SYNPR: variants seen among roughly 807,000 people sequenced by gnomAD.
SYNPR encodes synaptoporin.
A neutral mutation model predicts 32.9 loss-of-function variants in SYNPR; 23 were observed. The ratio of observed to expected loss-of-function variants is 0.70; its 90% CI spans 0.50 to 0.99. SYNPR has a LOEUF of 0.99. Ranked by LOEUF, SYNPR falls within the 50% of genes least tolerant of loss-of-function variation. The pLI, the probability that SYNPR is intolerant of heterozygous loss-of-function variation, is 0.00. For missense variants in SYNPR, 318 were observed against 349.3 expected, an observed-to-expected ratio of 0.91 and a Z score of 0.71; for synonymous variants, 146 against 135.9, an observed-to-expected ratio of 1.07 and a Z score of -0.52.
At chr3:63,287,435 C>T (rs570847782) in intron 2 of SYNPR, among the ~76,000 whole-genome samples, 16 of 152,088 alleles carry the variant, frequency 1.1e-4, no homozygotes, top group East Asian at 5.8e-4. Flanking sequence ...AGCCTTCTGA[C>T]GGCTCCCAGA....
the SYNPR span, among the ~76,000 whole-genome samples, chr3:63,207,076 A>T: frequency 1.3e-5 from 2 of 152,162 alleles, no homozygotes; most frequent in South Asian, 4.1e-4. Flanking sequence ...TCCTATTGGC[A>T]ATGTGCAGTA....
chr3:63,482,443 G>A (rs759519467), intron 3 of SYNPR, among the ~76,000 whole-genome samples: 1 of 152,116 alleles, frequency 6.6e-6, no homozygotes, highest in Non-Finnish European at 1.5e-5. Flanking sequence ...GAAAGTTGGA[G>A]CAGGAGAAGA....
chr3:63,334,993 G>T (rs930683843), intron 2 of SYNPR, among the ~76,000 whole-genome samples: 6 of 152,098 alleles, frequency 3.9e-5, no homozygotes, highest in African/African-American at 1.4e-4. Context: ...TGTTCTCTGG[G>T]GTACAGAGTC....
At chr3:63,530,449 T>C (rs1479873458) in intron 3 of SYNPR, among the ~76,000 whole-genome samples, 1 of 152,174 alleles carries the variant, frequency 6.6e-6, no homozygotes, top group African/African-American at 2.4e-5. Context: ...TTCTCTTCTG[T>C]ATATTGAGGA....
In SYNPR at chr3:63,248,036, A is replaced by AG. The variant is rs1368072434; in HGVS notation, n.67-4460dup. Among the ~76,000 whole-genome samples the AG allele has an allele frequency of 3.9e-5, 6 of 152,222 alleles. No homozygotes were observed. The East Asian group carries it at 1.2e-3, about 29-fold the overall frequency. On this transcript the variant is annotated intron_variant and non_coding_transcript_variant, in intron 1 of 4. Transcript: ENST00000478456. ...TAAACAGAGCTGGCCAGAGCACTGA[A>AG]GGGATACCTAACTGCCCAGGGGAAA...
chr3:63,593,919 T>C (rs576197748), intron 4 of SYNPR, among the ~76,000 whole-genome samples: 1 of 152,174 alleles, frequency 6.6e-6, no homozygotes. Context: ...TTTAGAACAG[T>C]ACCCAGCCCA....
chr3:63,345,697 G>C (rs1281936122), intron 2 of SYNPR, among the ~76,000 whole-genome samples: 1 of 152,224 alleles, frequency 6.6e-6, no homozygotes, highest in African/African-American at 2.4e-5. Flanking sequence ...GAGGAGAGGG[G>C]AAGGGAGGGA....
chr3:63,264,292 C>G (rs959334761), intron 2 of SYNPR, among the ~76,000 whole-genome samples: 4 of 152,118 alleles, frequency 2.6e-5, no homozygotes, highest in Non-Finnish European at 4.4e-5. Context: ...GCTCAGTAAT[C>G]TGCCAAAGAA....
intron 4 of SYNPR, among the ~76,000 whole-genome samples, chr3:63,608,021 T>C (rs138405449): frequency 4.6e-4 from 70 of 152,342 alleles, no homozygotes; most frequent in African/African-American, 1.6e-3. Context: ...AATATACTTT[T>C]TTTCTTTCCT....
intron 1 of SYNPR, among the ~76,000 whole-genome samples, chr3:63,235,867 T>C (rs114496088): frequency 0.015 from 2,289 of 152,248 alleles, 58 homozygotes; most frequent in African/African-American, 0.052. Context: ...AAGTTTTTCA[T>C]TTTGATGAAG....
At chr3:63,478,189 CTAGT>C (rs1181817735) in intron 2 of SYNPR, among the ~76,000 whole-genome samples, 1 of 152,142 alleles carries the variant, frequency 6.6e-6, no homozygotes, top group Non-Finnish European at 1.5e-5. Context: ...ACATTTTGAA[CTAGT>C]TAAATACATA....
chr3:63,406,027 G>C (rs2088355279), intron 2 of SYNPR, among the ~76,000 whole-genome samples: 1 of 152,094 alleles, frequency 6.6e-6, no homozygotes, highest in African/African-American at 2.4e-5. Flanking sequence ...AGGACATCGA[G>C]GATCAGAGAG....
chr3:63,501,494 C>CAAAAAAAAAAAAAAAAAAAA (rs377290258), intron 3 of SYNPR, among the ~76,000 whole-genome samples: 1 of 96,734 alleles, frequency 1.0e-5, no homozygotes, highest in African/African-American at 3.9e-5. Flanking sequence ...CTCCCCCAAC[C>CAAAAAAAAAAAAAAAAAAAA]AAAAAAAAAA....
chr3:63,537,211 C>T (rs560647390), intron 3 of SYNPR, among the ~76,000 whole-genome samples: 13 of 152,082 alleles, frequency 8.5e-5, no homozygotes, highest in African/African-American at 2.9e-4. Context: ...ATGACTTGTA[C>T]CTCCCCAAAC....
intron 2 of SYNPR, among the ~76,000 whole-genome samples, chr3:63,375,364 A>G (rs2087874130): frequency 6.6e-6 from 1 of 152,214 alleles, no homozygotes; most frequent in South Asian, 2.1e-4. Flanking sequence ...AACATGGCAC[A>G]TATACACCAT....
At chr3:63,306,111 C>G (rs1182543423) in intron 2 of SYNPR, among the ~76,000 whole-genome samples, 2 of 152,004 alleles carry the variant, frequency 1.3e-5, no homozygotes, top group Non-Finnish European at 2.9e-5. Flanking sequence ...AGCACCTTTT[C>G]TTTTACGGCA....
intron 2 of SYNPR, among the ~76,000 whole-genome samples, chr3:63,334,852 AC>A (rs756727840): frequency 3.5e-4 from 53 of 152,138 alleles, no homozygotes; most frequent in Non-Finnish European, 3.4e-4. Context: ...AACTGCAATA[AC>A]CTTTGCACCA....
At chr3:63,436,392 C>T (rs1281002482) in intron 2 of SYNPR, among the ~76,000 whole-genome samples, 1 of 137,300 alleles carries the variant, frequency 7.3e-6, no homozygotes, top group African/African-American at 2.7e-5. Context: ...TCCATGTGTT[C>T]TCATTGTTCA....
chr3:63,549,244 C>A (rs936006375), intron 3 of SYNPR, among the ~76,000 whole-genome samples: 14 of 152,162 alleles, frequency 9.2e-5, no homozygotes, highest in African/African-American at 3.4e-4. Flanking sequence ...AAGGTGGTAG[C>A]AGAATGAACA....
Sources: gnomAD v4.1 joint callset for allele counts (sites outside exome capture counted in the v4.1 genomes callset) on GRCh38, gnomAD v4.1.1 for gene constraint, MANE v1.5 for transcripts, NCBI Gene and HGNC (gene_info 2026-07-23, HGNC 2026-07-21) for gene names.